The following LMF1 variants were observed in gnomAD, a reference collection of about 807,000 sequenced individuals.
LMF1 encodes transmembrane protein 112.
A neutral mutation model predicts 60.6 loss-of-function variants in LMF1; 68 were observed. The observed-to-expected ratio is 1.12, with a 90% CI of 0.92 to 1.37. The LOEUF (loss-of-function observed/expected upper bound fraction) is 1.37. Among genes scored for constraint, LMF1 ranks in the 40% most tolerant of loss-of-function variants. The pLI, the probability that LMF1 is intolerant of heterozygous loss-of-function variation, is 0.00. For missense variants in LMF1, 948 were observed against 767.2 expected (o/e 1.24, Z -2.78); for synonymous variants, 418 against 324.7 (o/e 1.29, Z -3.09).
chr16:966,958 G>T (rs1181239203), intron 1 of LMF1, among the ~76,000 whole-genome samples: 1 of 152,246 alleles, frequency 6.6e-6, no homozygotes, highest in East Asian at 1.9e-4. Flanking sequence ...CATATACTAT[G>T]TGACTCTCAT....
intron 5 of LMF1, 100 bp downstream of exon 5, chr16:892,907 C>G: frequency 1.1e-6 from 1 of 903,138 alleles, no homozygotes. Context: ...CCCTGTGATG[C>G]GACAGCTCAC....
At chr16:973,778 A>C (rs1160352320), upstream of LMF1, among the ~76,000 whole-genome samples, 1 of 152,208 alleles carries the variant, frequency 6.6e-6, no homozygotes, top group Non-Finnish European at 1.5e-5. Flanking sequence ...AGGCGGGTGG[A>C]TCACGAGGTC....
intron 2 of LMF1, among the ~76,000 whole-genome samples, chr16:948,332 C>CGACAGAGTCAGAGCCAAT (rs1409452454): frequency 7.3e-6 from 1 of 137,136 alleles, no homozygotes; most frequent in Non-Finnish European, 1.5e-5. Flanking sequence ...TCAGAGACAA[C>CGACAGAGTCAGAGCCAAT]GACAGAGTCA....
At chr16:868,532 T>C (rs2069675799) in intron 10 of LMF1, among the ~76,000 whole-genome samples, 1 of 152,170 alleles carries the variant, frequency 6.6e-6, no homozygotes, top group African/African-American at 2.4e-5. Flanking sequence ...GGGCTCTCAC[T>C]GCAGTCCCCT....
At chr16:911,108 G>GT in intron 3 of LMF1, 29 bp from the exon 4 acceptor site, 1 of 1,601,046 alleles carries the variant, frequency 6.2e-7, no homozygotes, top group East Asian at 2.3e-5. Context: ...CCAAAGGTGA[G>GT]TTAATGGAAG....
chr16:922,683 T>G (rs113427652), intron 3 of LMF1, among the ~76,000 whole-genome samples: 2 of 119,948 alleles, frequency 1.7e-5, no homozygotes, highest in Non-Finnish European at 3.6e-5. Context: ...GTGGTATTGG[T>G]GTCGTGTTGT....
At chr16:879,846 G>T in intron 5 of LMF1, 109 bp from the exon 6 acceptor site, 3 of 1,022,292 alleles carry the variant, frequency 2.9e-6, no homozygotes, top group Non-Finnish European at 4.1e-6. Flanking sequence ...CTGCACACAG[G>T]ATCCCCCCGG....
At position 869,067 on chromosome 16, in the gene LMF1, A is replaced by G; in HGVS notation, c.1417-11T>C. 1 of 1,590,954 alleles carries G rather than the reference A, an allele frequency of 6.3e-7. No individual in the cohort carries two copies. The stretch of plus-strand genomic sequence containing the variant: ...GTTGTGCTCGTAGGTCTGGGAGGAG[A>G]GGTCGGGCTGGAGACGGCTGTGCCA... On this transcript the variant is annotated splice_polypyrimidine_tract_variant and intron_variant, in intron 9 of 10. Transcript: ENST00000262301.
chr16:943,892 T>C (rs572109839), intron 2 of LMF1, among the ~76,000 whole-genome samples: 38 of 152,312 alleles, frequency 2.5e-4, no homozygotes, highest in Admixed American at 9.8e-4. Flanking sequence ...TTTTCCTGTT[T>C]CTTTACTTGT....
At position 918,638 on chromosome 16, in the gene LMF1, G is replaced by T. The variant is rs148095164; in HGVS notation, c.515-7559C>A. On this transcript the variant is annotated intron_variant, in intron 3 of 10. Coordinates refer to ENST00000262301, the MANE Select transcript of LMF1 (RefSeq NM_022773.4). ...CCATCGTGGGCTGCGGGGACGTTGT[G>T]CCCACGGAGCTGTCCTGGGTCACGG... Among the ~76,000 whole-genome samples the T allele has an allele frequency of 9.8e-4, 149 of 152,194 alleles. 2 individuals are homozygous for T. In the East Asian group the frequency reaches 0.023, roughly 23 times the overall value.
At position 869,948 on chromosome 16, in the gene LMF1, G is replaced by T; in HGVS notation, c.1351C>A (p.Arg451=). ...TGGTACGGGGAGATGAGGCAGGGCC[G>T]TCTGCTGGGGTCACCTGGCTTGCAC... The part of the protein sequence containing the change: ...FKCKPGDPSR[R]PCLISPYHYR... The change falls in exon 9 of 11, where the codon CGG becomes AGG. Residue 451 remains arginine, a synonymous_variant. Coordinates refer to ENST00000262301, the MANE Select transcript of LMF1 (RefSeq NM_022773.4). The T allele has an allele frequency of 6.2e-7, 1 of 1,613,294 alleles. No homozygotes were observed. The highest frequency in any genetic ancestry group is 8.5e-7 in the Non-Finnish European group (1 of 1,179,860).
At chr16:868,846 C>A (rs2069687508) in intron 10 of LMF1, 98 bp downstream of exon 10, 4 of 792,132 alleles carry the variant, frequency 5.0e-6, no homozygotes, top group Admixed American at 1.8e-5. Context: ...AGGGGCGCTT[C>A]CCGTGAGCAG....
intron 2 of LMF1, among the ~76,000 whole-genome samples, chr16:943,942 T>C (rs1396982346): frequency 6.6e-6 from 1 of 152,220 alleles, no homozygotes; most frequent in African/African-American, 2.4e-5. Context: ...TGAAAGATCA[T>C]AACATCATTG....
At chr16:910,777 A>G (rs1039971379) in intron 4 of LMF1, among the ~76,000 whole-genome samples, 154 bp downstream of exon 4, 1 of 152,192 alleles carries the variant, frequency 6.6e-6, no homozygotes, top group African/African-American at 2.4e-5. Flanking sequence ...AGGCCCCTGA[A>G]GGGGCAGAAG....
At chr16:948,679 G>A (rs1413239794) in intron 2 of LMF1, among the ~76,000 whole-genome samples, 1 of 145,176 alleles carries the variant, frequency 6.9e-6, no homozygotes, top group Non-Finnish European at 1.5e-5. Context: ...CAGAGACAAT[G>A]ACAGAGTCAG....
chr16:886,070 TGGA>T (rs1254885471), intron 5 of LMF1, among the ~76,000 whole-genome samples: 2 of 152,254 alleles, frequency 1.3e-5, no homozygotes, highest in Non-Finnish European at 2.9e-5. Flanking sequence ...CCCGTCTCTT[TGGA>T]GCCTTTAAGG....
intron 10 of LMF1, among the ~76,000 whole-genome samples, chr16:867,450 G>GT (rs1187766387): frequency 6.6e-6 from 1 of 152,190 alleles, no homozygotes; most frequent in Admixed American, 6.5e-5. Context: ...GCGATCTGGG[G>GT]TGGGGGCTGG....
chr16:921,598 G>A (rs1394696573), intron 3 of LMF1, among the ~76,000 whole-genome samples: 1 of 152,180 alleles, frequency 6.6e-6, no homozygotes, highest in African/African-American at 2.4e-5. Flanking sequence ...CTGGGGTGAC[G>A]GCCACTCCCT....
chr16:964,101 A>C, intron 1 of LMF1: 1 of 456,046 alleles, frequency 2.2e-6, no homozygotes, highest in South Asian at 1.5e-5. Context: ...CGAGCAGCCA[A>C]CAGCAGGCAT....
Sources: gnomAD v4.1 joint callset for allele counts (sites outside exome capture counted in the v4.1 genomes callset) on GRCh38, gnomAD v4.1.1 for gene constraint, MANE v1.5 for transcripts, NCBI Gene and HGNC (gene_info 2026-07-23, HGNC 2026-07-21) for gene names.